SLC39A10: variants seen among roughly 807,000 people sequenced by gnomAD.
The protein encoded by SLC39A10 is solute carrier family 39 member 10, also known as zinc transporter ZIP10.
SLC39A10 carries 13 observed loss-of-function variants against 65.1 expected under a neutral mutation model. The ratio of observed to expected loss-of-function variants is 0.20; its 90% confidence interval spans 0.13 to 0.32. SLC39A10 has a LOEUF of 0.32. SLC39A10 is among the 10% of genes least tolerant of loss of function. The probability of loss-of-function intolerance (pLI) is 1.00; values close to 1 mark genes in which losing one functional copy is unlikely to be tolerated. For missense variants in SLC39A10, 831 were observed against 1,018.4 expected (o/e 0.82, Z 2.50); for synonymous variants, 321 against 342.2 (o/e 0.94, Z 0.68).
chr2:195,695,555 TCA>T lies in SLC39A10; in HGVS notation c.1217-11058_1217-11057del, dbSNP rs1278461604. Among the ~76,000 whole-genome samples, 5 of 152,186 alleles carry T rather than the reference TCA, an allele frequency of 3.3e-5. No homozygotes were observed. In the South Asian group the frequency reaches 6.2e-4, roughly 19 times the overall value. Reference sequence around the variant, plus strand: ...CTCCCCACTGAGAAAGCAAGTGGACTCACAGTTTTTTTGGTGTCTCAGGGAGC... The same window carrying T: ...CTCCCCACTGAGAAAGCAAGTGGACTCAGTTTTTTTGGTGTCTCAGGGAGC... On this transcript the variant is annotated intron_variant, in intron 3 of 9. Transcript: ENST00000359634.
intron 6 of SLC39A10, 43 bp from the exon 7 acceptor site, chr2:195,716,594 G>T: frequency 6.6e-7 from 1 of 1,520,506 alleles, no homozygotes; most frequent in Non-Finnish European, 8.8e-7. Flanking sequence ...AAATATCCAT[G>T]CATTTAATTA....
chr2:195,734,937 G>A lies in SLC39A10; in HGVS notation c.2392G>A (p.Val798Met). 1 of 1,612,444 alleles carries A rather than the reference G, an allele frequency of 6.2e-7. No individual in the cohort carries two copies. Among genetic ancestry groups the A allele is most frequent in the Non-Finnish European group, 8.5e-7 (1 of 1,179,358 alleles). ...GDNEEHGFCP[V>M]GQFILQNLGL... is the part of the protein sequence containing the mutation. The stretch of plus-strand genomic sequence containing the variant: ...CAATGAAGAACATGGCTTTTGTCCT[G>A]TGGGGCAATTCATCCTTCAGAATTT... Residue 798 changes from valine to methionine, a missense_variant, in exon 10 of 10, where the codon GTG (valine) becomes ATG (methionine). Transcript: ENST00000359634.
intron 3 of SLC39A10, among the ~76,000 whole-genome samples, chr2:195,706,359 G>C (rs1691395637): frequency 6.7e-6 from 1 of 149,692 alleles, no homozygotes. Flanking sequence ...GTCATTTTAA[G>C]TCACTGGTTC....
intron 2 of SLC39A10, among the ~76,000 whole-genome samples, chr2:195,634,988 C>G (rs970761427): frequency 6.6e-6 from 1 of 152,132 alleles, no homozygotes; most frequent in Admixed American, 6.6e-5. Flanking sequence ...GTGGAAGTTG[C>G]AGTGAGCTGA....
intron 3 of SLC39A10, among the ~76,000 whole-genome samples, chr2:195,695,662 G>T (rs1169412473): frequency 6.6e-6 from 1 of 152,202 alleles, no homozygotes; most frequent in African/African-American, 2.4e-5. Flanking sequence ...GTTCTTGGAG[G>T]AAAAGTTCAG....
At position 195,719,617 on chromosome 2, in the gene SLC39A10, T is replaced by C. The variant is rs75416037; in HGVS notation, c.2146+1285T>C. Among the ~76,000 whole-genome samples the C allele has an allele frequency of 7.7e-5, 11 of 142,008 alleles. No individual in the cohort carries two copies. In the South Asian group the frequency reaches 2.5e-3, roughly 32 times the overall value. The allele number at this position is 142,008 out of a possible 152,430, so 93.2% of individuals were successfully genotyped here. A position where few individuals can be genotyped will look rare whatever the true frequency, so the allele number is the denominator to read the frequency against. On this transcript the variant is annotated intron_variant, in intron 8 of 9. Coordinates refer to ENST00000359634, the MANE Select transcript of SLC39A10 (RefSeq NM_020342.3). ...CTCCCAGCACTTGGCATTAACTTTCTTTTTTTTTTTTTTTCTTTGAGACAG... is the reference window on the plus strand; with the variant it reads ...CTCCCAGCACTTGGCATTAACTTTCCTTTTTTTTTTTTTTCTTTGAGACAG...
chr2:195,669,588 A>G (rs765313023), intron 1 of SLC39A10, among the ~76,000 whole-genome samples: 3 of 152,226 alleles, frequency 2.0e-5, no homozygotes, highest in Non-Finnish European at 4.4e-5. Context: ...CATGTTAACC[A>G]TTTGTATATA....
chr2:195,660,933 A>T (rs1445532301), intron 1 of SLC39A10, among the ~76,000 whole-genome samples: 1 of 152,052 alleles, frequency 6.6e-6, no homozygotes, highest in Non-Finnish European at 1.5e-5. Flanking sequence ...GCTTTTTTTT[A>T]AAATTCGAAT....
rs571771684 is a variant in SLC39A10 at position 195,665,336 on chromosome 2, T to C, written c.-12+8055T>C. On this transcript the variant is annotated intron_variant, in intron 1 of 9. Transcript: ENST00000359634. ...TGTCAAAAAAATGAATAAATAAAAT[T>C]AGCTGGGTGTGGTGCTGCGCACCTG... Among the ~76,000 whole-genome samples, 6 of 152,166 alleles carry C rather than the reference T, an allele frequency of 3.9e-5. No individual in the cohort carries two copies. The South Asian group carries it at 1.0e-3, about 26-fold the overall frequency.
chr2:195,725,882 G>C (rs1692218118), intron 8 of SLC39A10, among the ~76,000 whole-genome samples: 1 of 152,148 alleles, frequency 6.6e-6, no homozygotes, highest in Non-Finnish European at 1.5e-5. Flanking sequence ...CTTCCATTTA[G>C]ATGATGTTCT....
At chr2:195,661,786 C>T (rs1213146759) in intron 1 of SLC39A10, among the ~76,000 whole-genome samples, 1 of 152,124 alleles carries the variant, frequency 6.6e-6, no homozygotes, top group Non-Finnish European at 1.5e-5. Flanking sequence ...TACAGGTTTG[C>T]AGGCTTGTAC....
chr2:195,719,372 C>T (rs1691934658), intron 8 of SLC39A10, among the ~76,000 whole-genome samples: 1 of 152,144 alleles, frequency 6.6e-6, no homozygotes, highest in South Asian at 2.1e-4. Flanking sequence ...CAGAAATGTG[C>T]TTTCGCCACA....
chr2:195,618,240 A>G (rs1357529301), intron 2 of SLC39A10, among the ~76,000 whole-genome samples: 1 of 151,730 alleles, frequency 6.6e-6, no homozygotes, highest in Non-Finnish European at 1.5e-5. Flanking sequence ...AATCCCAGCT[A>G]CGCGGGAGGC....
At chr2:195,674,334 A>G (rs1689993979) in intron 1 of SLC39A10, among the ~76,000 whole-genome samples, 1 of 151,910 alleles carries the variant, frequency 6.6e-6, no homozygotes, top group Admixed American at 6.6e-5. Context: ...CTGGAGTGCA[A>G]TGGCATGATC....
chr2:195,633,988 C>T (rs1218758862), intron 2 of SLC39A10, among the ~76,000 whole-genome samples: 1 of 152,178 alleles, frequency 6.6e-6, no homozygotes, highest in African/African-American at 2.4e-5. Context: ...TGCCTCCTGT[C>T]CCTATCAACA....
upstream of SLC39A10, among the ~76,000 whole-genome samples, chr2:195,652,107 G>T (rs1264104889): frequency 6.6e-6 from 1 of 152,176 alleles, no homozygotes; most frequent in Admixed American, 6.5e-5. Flanking sequence ...GGAAGCAGGG[G>T]CTGGTTCCAG....
chr2:195,724,537 T>A (rs1692168146), intron 8 of SLC39A10, among the ~76,000 whole-genome samples: 1 of 152,306 alleles, frequency 6.6e-6, no homozygotes, highest in South Asian at 2.1e-4. Flanking sequence ...TGTATTGCTA[T>A]ATACTAGTAA....
intron 2 of SLC39A10, among the ~76,000 whole-genome samples, chr2:195,645,135 C>G (rs1048296268): frequency 6.6e-6 from 1 of 151,912 alleles, no homozygotes. Flanking sequence ...TCTCGAACTT[C>G]CGACCTCAGG....
chr2:195,643,111 A>G (rs898769963), intron 2 of SLC39A10, among the ~76,000 whole-genome samples: 2 of 152,220 alleles, frequency 1.3e-5, no homozygotes, highest in African/African-American at 4.8e-5. Context: ...ATACCACCAA[A>G]TTTATCAAAT....
Sources: gnomAD v4.1 joint callset for allele counts (sites outside exome capture counted in the v4.1 genomes callset) on GRCh38, gnomAD v4.1.1 for gene constraint, MANE v1.5 for transcripts, NCBI Gene and HGNC (gene_info 2026-07-23, HGNC 2026-07-21) for gene names.